UBE2H: variants seen among roughly 807,000 people sequenced by gnomAD.
UBE2H encodes ubiquitin-conjugating enzyme E2 H.
In UBE2H, 3 loss-of-function variants were observed where a neutral mutation model predicts 29.0. The ratio of observed to expected loss-of-function variants is 0.10; its 90% CI spans 0.05 to 0.27. The LOEUF is 0.27. Among genes scored for constraint, UBE2H ranks in the 10% least tolerant of loss-of-function variants. The pLI is 1.00. For missense variants in UBE2H, 68 were observed against 228.2 expected, an observed-to-expected ratio of 0.30 and a Z score of 4.52; for synonymous variants, 69 against 82.9, an observed-to-expected ratio of 0.83 and a Z score of 0.91.
chr7:129,916,968 C>T (rs557384792), intron 1 of UBE2H, among the ~76,000 whole-genome samples: 1 of 144,744 alleles, frequency 6.9e-6, no homozygotes, highest in African/African-American at 2.6e-5. Context: ...ACCTGGGAGG[C>T]GGAGCTTGCA....
chr7:129,855,144 A>G (rs1320740960), intron 5 of UBE2H, among the ~76,000 whole-genome samples: 1 of 152,236 alleles, frequency 6.6e-6, no homozygotes, highest in African/African-American at 2.4e-5. Context: ...CACACTTTAA[A>G]TGGGTGATTT....
At chr7:129,864,811 C>G (rs1309196560) in intron 3 of UBE2H, among the ~76,000 whole-genome samples, 1 of 152,074 alleles carries the variant, frequency 6.6e-6, no homozygotes, top group Admixed American at 6.6e-5. Flanking sequence ...CTCAGCCTAC[C>G]AAAGTGCTGG....
intron 3 of UBE2H, among the ~76,000 whole-genome samples, chr7:129,874,640 T>G (rs1205013875): frequency 1.3e-5 from 2 of 152,186 alleles, no homozygotes; most frequent in Non-Finnish European, 2.9e-5. Context: ...TTTTATATTT[T>G]TTTTCCCTTG....
rs1242558736 is a variant in UBE2H, at chr7:129,832,311, T to C, written c.*2626A>G. The C allele has an allele frequency of 6.6e-6, 1 of 152,200 alleles. No individual in the cohort carries two copies. The highest frequency in any genetic ancestry group is 2.4e-5 in the African/African-American group (1 of 41,412). 9.4% of individuals were successfully genotyped at this position (152,200 alleles called of 1,614,324 possible). ...CAAAGCCCCACCCAGAACATAAACATGCATGGGACCAAGGTTAGTGCCCAG... is the reference window on the plus strand; with the variant it reads ...CAAAGCCCCACCCAGAACATAAACACGCATGGGACCAAGGTTAGTGCCCAG... On this transcript the variant is annotated 3_prime_UTR_variant, in exon 7 of 7. Coordinates refer to ENST00000355621, the MANE Select transcript of UBE2H (RefSeq NM_003344.4).
At chr7:129,912,174 C>T (rs1006756782) in intron 1 of UBE2H, among the ~76,000 whole-genome samples, 1 of 152,148 alleles carries the variant, frequency 6.6e-6, no homozygotes, top group African/African-American at 2.4e-5. Context: ...CATCCATTTA[C>T]GTATTATTGA....
chr7:129,863,620 T>G (rs10273782), intron 3 of UBE2H, among the ~76,000 whole-genome samples: 27,708 of 151,898 alleles, frequency 0.18, 2,814 homozygotes, highest in African/African-American at 0.26. Flanking sequence ...GTACAGAAAT[T>G]TTCTAGAGAA....
chr7:129,949,666 C>G (rs1334321254), intron 1 of UBE2H, among the ~76,000 whole-genome samples: 1 of 152,198 alleles, frequency 6.6e-6, no homozygotes, highest in Non-Finnish European at 1.5e-5. Context: ...TGACTCCAAA[C>G]AACAACCAGA....
At chr7:129,938,807 TG>T (rs1448093308) in intron 1 of UBE2H, among the ~76,000 whole-genome samples, 91 of 151,354 alleles carry the variant, frequency 6.0e-4, no homozygotes, top group African/African-American at 2.2e-3. Flanking sequence ...TTGTTTTTTT[TG>T]TTTTTTTTTG....
At chr7:129,901,191 A>G (rs1806706999) in intron 1 of UBE2H, among the ~76,000 whole-genome samples, 1 of 152,198 alleles carries the variant, frequency 6.6e-6, no homozygotes, top group Non-Finnish European at 1.5e-5. Flanking sequence ...ACACATCAAG[A>G]TGAGTATTTG....
At position 129,867,718 on chromosome 7, in the gene UBE2H, G is replaced by C. The variant is rs200091709; in HGVS notation, c.206-8777C>G. Among the ~76,000 whole-genome samples, 172 of 19,632 alleles carry C rather than the reference G, an allele frequency of 8.8e-3. 4 individuals carry two copies. Among genetic ancestry groups the C allele is most frequent in the African/African-American group, 0.028 (141 of 5,010 alleles). The allele number at this position is 19,632 out of a possible 152,430, so 12.9% of individuals were successfully genotyped here. ...GTATAATAAAAAAAAAAAAAAAAAA[G>C]AAAACCAAAAAAAAAAAAAAAAAAG... is the stretch of plus-strand genomic sequence containing the variant. On this transcript the variant is annotated intron_variant, in intron 3 of 6. Transcript: ENST00000355621.
intron 4 of UBE2H, 113 bp downstream of exon 4, chr7:129,858,789 G>T: frequency 1.1e-6 from 1 of 935,302 alleles, no homozygotes; most frequent in Non-Finnish European, 1.7e-6. Flanking sequence ...CATTCATACA[G>T]TCCTACCTCC....
At chr7:129,941,642 T>A (rs62489374) in intron 1 of UBE2H, among the ~76,000 whole-genome samples, 2 of 151,830 alleles carry the variant, frequency 1.3e-5, no homozygotes, top group Non-Finnish European at 2.9e-5. Flanking sequence ...TGGAGTGCAG[T>A]GGCATAATGA....
At position 129,875,550 on chromosome 7, in the gene UBE2H, G is replaced by A. The variant is rs112385425; in HGVS notation, c.205+4018C>T. ...TAAAATATTTACCAAGCAATACATA[G>A]TGGTAGACTGGCTGTATCATAATAC... On this transcript the variant is annotated intron_variant, in intron 3 of 6. Transcript: ENST00000355621. 9.7e-3 allele frequency among the ~76,000 whole-genome samples: 1,482 copies of A among 152,260 alleles called. 24 individuals carry two copies. The highest frequency in any genetic ancestry group is 0.034 in the African/African-American group (1,400 of 41,544).
At chr7:129,929,218 G>A (rs1282667806) in intron 1 of UBE2H, among the ~76,000 whole-genome samples, 4 of 151,772 alleles carry the variant, frequency 2.6e-5, no homozygotes, top group East Asian at 1.9e-4. Context: ...TTGGGGGGCC[G>A]AGGCAGGAGA....
chr7:129,866,107 C>T (rs1584752836), intron 3 of UBE2H, among the ~76,000 whole-genome samples: 2 of 152,280 alleles, frequency 1.3e-5, no homozygotes. Flanking sequence ...CTTTCCTACT[C>T]AGGAGAGATG....
At chr7:129,928,809 G>A (rs1807326569) in intron 1 of UBE2H, among the ~76,000 whole-genome samples, 2 of 151,946 alleles carry the variant, frequency 1.3e-5, no homozygotes, top group African/African-American at 4.8e-5. Flanking sequence ...CATATATAAA[G>A]AGGAGAAAAT....
At chr7:129,843,529 T>C (rs2116277576) in intron 5 of UBE2H, among the ~76,000 whole-genome samples, 1 of 152,256 alleles carries the variant, frequency 6.6e-6, no homozygotes, top group African/African-American at 2.4e-5. Context: ...AAACACACAC[T>C]GCCGCTGCCG....
At chr7:129,846,996 G>A (rs752650635) in intron 5 of UBE2H, among the ~76,000 whole-genome samples, 33 of 151,838 alleles carry the variant, frequency 2.2e-4, no homozygotes, top group Admixed American at 6.6e-4. Flanking sequence ...CCGGGAAGCC[G>A]TCATCCTATA....
intron 5 of UBE2H, among the ~76,000 whole-genome samples, chr7:129,854,086 G>A (rs2631605): frequency 1.6e-4 from 19 of 120,564 alleles, no homozygotes; most frequent in East Asian, 4.5e-4. Context: ...TTTTTTTGGC[G>A]GGGCAGGGGT....
Sources: gnomAD v4.1 joint callset for allele counts (sites outside exome capture counted in the v4.1 genomes callset) on GRCh38, gnomAD v4.1.1 for gene constraint, MANE v1.5 for transcripts, NCBI Gene and HGNC (gene_info 2026-07-23, HGNC 2026-07-21) for gene names.